RANBP2: variants seen among roughly 807,000 people sequenced by gnomAD.
RANBP2 encodes the protein E3 SUMO-protein ligase RanBP2.
A neutral mutation model predicts 303.6 loss-of-function variants in RANBP2; 57 were observed. The observed-to-expected ratio is 0.19, with a 90% CI of 0.15 to 0.23. The LOEUF is 0.23. Ranked by LOEUF, RANBP2 falls within the 10% of genes least tolerant of loss-of-function variation. The probability of loss-of-function intolerance (pLI) is 1.00; values close to 1 mark genes in which losing one functional copy is unlikely to be tolerated. For synonymous variants in RANBP2, 1,167 were observed against 1,301.5 expected, an observed-to-expected ratio of 0.90 and a Z score of 2.23; for missense variants, 3,138 against 3,780.8, an observed-to-expected ratio of 0.83 and a Z score of 4.46.
At chr2:108,755,682 T>C (rs1245870088) in intron 17 of RANBP2, among the ~76,000 whole-genome samples, 2 of 151,706 alleles carry the variant, frequency 1.3e-5, no homozygotes, top group Non-Finnish European at 2.9e-5. Flanking sequence ...TGTGAGCCAC[T>C]GTGCCCAGCC....
At chr2:109,192,156 C>A in the RANBP2 span, among the ~76,000 whole-genome samples, 3 of 152,116 alleles carry the variant, frequency 2.0e-5, no homozygotes, top group African/African-American at 4.8e-5. Flanking sequence ...TCTTTGAGAG[C>A]GGTTCGGTTC....
At chr2:109,012,686 G>A in the RANBP2 span, among the ~76,000 whole-genome samples, 26 of 152,156 alleles carry the variant, frequency 1.7e-4, no homozygotes, top group Admixed American at 3.3e-4. Flanking sequence ...AGGCCGAGGC[G>A]GGTGGATCAC....
chr2:109,538,721 T>C, the RANBP2 span, among the ~76,000 whole-genome samples: 1 of 152,166 alleles, frequency 6.6e-6, no homozygotes, highest in Non-Finnish European at 1.5e-5. Context: ...GGTTTCGCCA[T>C]GTTGGCCAGG....
chr2:108,868,672 T>G, the RANBP2 span, among the ~76,000 whole-genome samples: 5 of 152,312 alleles, frequency 3.3e-5, no homozygotes, highest in African/African-American at 1.2e-4. Flanking sequence ...TTTGCTTTTC[T>G]TCTGAAGAAG....
At chr2:109,107,838 C>A in the RANBP2 span, among the ~76,000 whole-genome samples, 1 of 152,264 alleles carries the variant, frequency 6.6e-6, no homozygotes, top group African/African-American at 2.4e-5. Flanking sequence ...CGGGTTCCAG[C>A]GATTCTCCTG....
the RANBP2 span, among the ~76,000 whole-genome samples, chr2:108,988,096 A>G: frequency 4.6e-5 from 7 of 152,158 alleles, no homozygotes; most frequent in Non-Finnish European, 1.0e-4. Flanking sequence ...GTCTCCTCAC[A>G]TGCGTGTACC....
chr2:109,585,767 C>G, the RANBP2 span: 7 of 1,613,894 alleles, frequency 4.3e-6, no homozygotes, highest in Non-Finnish European at 4.2e-6. Context: ...TGGATCTGTT[C>G]ACCAGCTGAT....
At chr2:109,441,588 G>A in the RANBP2 span, among the ~76,000 whole-genome samples, 1 of 152,230 alleles carries the variant, frequency 6.6e-6, no homozygotes, top group Non-Finnish European at 1.5e-5. Flanking sequence ...CGTGTAATTG[G>A]AGGTCTCCAA....
At chr2:109,563,660 A>G in the RANBP2 span, among the ~76,000 whole-genome samples, 1 of 152,214 alleles carries the variant, frequency 6.6e-6, no homozygotes, top group African/African-American at 2.4e-5. Context: ...GGAAGGGTTC[A>G]GATTCTAAAA....
chr2:109,327,430 G>A, the RANBP2 span, among the ~76,000 whole-genome samples: 1 of 152,114 alleles, frequency 6.6e-6, no homozygotes. Context: ...CTTATTTAAA[G>A]CTTTGATATT....
intron 9 of RANBP2, among the ~76,000 whole-genome samples, chr2:108,750,515 A>G (rs1242377320): frequency 6.6e-6 from 1 of 152,052 alleles, no homozygotes; most frequent in Non-Finnish European, 1.5e-5. Context: ...TGCCAAAATG[A>G]CAGAAAGATT....
chr2:108,758,445 T>A lies in RANBP2; in HGVS notation c.2499T>A (p.Ser833Arg). The A allele has an allele frequency of 6.2e-7, 1 of 1,611,914 alleles. No individual in the cohort carries two copies. The highest frequency in any genetic ancestry group is 8.5e-7 in the Non-Finnish European group (1 of 1,179,854). ...KEMQELKLNS[S>R]NSASPHRWPT... ...TGCAGGAGTTGAAACTAAATAGCAG[T>A]AACTCAGCATCCCCTCATCGTTGGC... is the stretch of plus-strand genomic sequence containing the variant. Residue 833 changes from serine (S) to arginine (R), a missense_variant, in exon 18 of 29, where the codon AGT becomes AGA. This residue lies in a region of RANBP2 where 194 missense variants were observed against 197.4 expected (regional missense o/e 0.98). Coordinates refer to ENST00000283195, the MANE Select transcript of RANBP2 (RefSeq NM_006267.5).
chr2:109,610,897 A>T, the RANBP2 span, among the ~76,000 whole-genome samples: 2 of 152,352 alleles, frequency 1.3e-5, no homozygotes, highest in Non-Finnish European at 1.5e-5. Context: ...GAGGCACAGA[A>T]CTAGAATAGC....
chr2:109,066,030 C>T, the RANBP2 span, among the ~76,000 whole-genome samples: 2,210 of 152,196 alleles, frequency 0.015, 29 homozygotes, highest in Non-Finnish European at 0.021. Flanking sequence ...CTCTGCCTCC[C>T]GGATTCAAGC....
chr2:109,220,892 A>G, the RANBP2 span, among the ~76,000 whole-genome samples: 1 of 152,258 alleles, frequency 6.6e-6, no homozygotes, highest in South Asian at 2.1e-4. Context: ...AGAATTAACT[A>G]TATAATCCAG....
At chr2:109,106,024 T>A in the RANBP2 span, among the ~76,000 whole-genome samples, 62 of 151,798 alleles carry the variant, frequency 4.1e-4, 1 homozygote, top group African/African-American at 1.3e-3. Context: ...CGGCTAATTT[T>A]TTTTTTTTTT....
the RANBP2 span, among the ~76,000 whole-genome samples, chr2:109,032,809 A>G: frequency 6.6e-6 from 1 of 152,272 alleles, no homozygotes; most frequent in Non-Finnish European, 1.5e-5. Flanking sequence ...TTGCACTGCC[A>G]CTACTGAGGA....
At chr2:109,199,123 G>C in the RANBP2 span, among the ~76,000 whole-genome samples, 1 of 152,014 alleles carries the variant, frequency 6.6e-6, no homozygotes, top group Non-Finnish European at 1.5e-5. Context: ...ACTTTGGGAG[G>C]CTGAGGCGGG....
At chr2:108,927,298 C>A in the RANBP2 span, among the ~76,000 whole-genome samples, 1 of 152,074 alleles carries the variant, frequency 6.6e-6, no homozygotes, top group Admixed American at 6.5e-5. Flanking sequence ...TGGAGTAGGG[C>A]GGGAGGCATC....
Sources: gnomAD v4.1 joint callset for allele counts (sites outside exome capture counted in the v4.1 genomes callset) on GRCh38, gnomAD v4.1.1 for gene constraint, gnomAD v4.1.1 regional missense constraint, MANE v1.5 for transcripts, NCBI Gene and HGNC (gene_info 2026-07-23, HGNC 2026-07-21) for gene names.